The following CCDC148 variants were observed in gnomAD, a reference collection of about 807,000 sequenced individuals.
CCDC148 encodes coiled-coil domain containing 148, also known as coiled-coil domain-containing protein 148.
CCDC148 carries 89 observed loss-of-function variants against 85.7 expected under a neutral mutation model. The observed-to-expected ratio is 1.04, with a 90% CI of 0.87 to 1.24. The LOEUF (loss-of-function observed/expected upper bound fraction) is 1.24. Ranked by LOEUF, CCDC148 falls within the 50% of genes most tolerant of loss-of-function variation. The pLI, the probability that CCDC148 is intolerant of heterozygous loss-of-function variation, is 0.00. For missense variants in CCDC148, 692 were observed against 671.7 expected, an observed-to-expected ratio of 1.03 and a Z score of -0.33; for synonymous variants, 230 against 213.9, an observed-to-expected ratio of 1.08 and a Z score of -0.66.
At chr2:158,412,000 A>G (rs1012014571) in intron 1 of CCDC148, among the ~76,000 whole-genome samples, 18 of 152,098 alleles carry the variant, frequency 1.2e-4, no homozygotes, top group African/African-American at 4.1e-4. Flanking sequence ...TCACAGAGGC[A>G]GTTCTGGCTT....
At chr2:158,398,403 A>C (rs2602179) in intron 1 of CCDC148, among the ~76,000 whole-genome samples, 5,991 of 152,250 alleles carry the variant, frequency 0.039, 194 homozygotes, top group African/African-American at 0.086. Context: ...CAAATGTAAA[A>C]TAACAGAAAT....
intron 11 of CCDC148, among the ~76,000 whole-genome samples, chr2:158,199,410 A>G (rs961912800): frequency 3.9e-5 from 6 of 151,932 alleles, no homozygotes; most frequent in Non-Finnish European, 8.8e-5. Context: ...ACCCCTGGCT[A>G]ATTTTAGTAT....
intron 9 of CCDC148, among the ~76,000 whole-genome samples, chr2:158,282,857 C>A (rs1421662525): frequency 6.6e-6 from 1 of 152,236 alleles, no homozygotes; most frequent in Non-Finnish European, 1.5e-5. Context: ...CTGGAGGCGT[C>A]ACGCTACTTG....
intron 11 of CCDC148, among the ~76,000 whole-genome samples, chr2:158,206,288 T>C (rs1205487037): frequency 6.6e-6 from 1 of 152,098 alleles, no homozygotes; most frequent in East Asian, 1.9e-4. Flanking sequence ...ATTAAACGAA[T>C]GTAGAATGGG....
intron 1 of CCDC148, among the ~76,000 whole-genome samples, chr2:158,444,872 T>C (rs1321598268): frequency 4.0e-5 from 6 of 151,616 alleles, no homozygotes; most frequent in Admixed American, 3.9e-4. Flanking sequence ...GAAATTATGT[T>C]AGTTAATAAA....
intron 13 of CCDC148, 86 bp downstream of exon 13, chr2:158,176,435 A>C: frequency 7.6e-7 from 1 of 1,319,258 alleles, no homozygotes; most frequent in African/African-American, 1.5e-5. Flanking sequence ...TAAATATTGA[A>C]AACTGTTGTA....
intron 9 of CCDC148, among the ~76,000 whole-genome samples, chr2:158,285,442 G>T (rs1263058189): frequency 1.3e-5 from 2 of 150,906 alleles, no homozygotes; most frequent in Non-Finnish European, 3.0e-5. Context: ...CATAGAATCA[G>T]AAAAAGTATT....
intron 1 of CCDC148, among the ~76,000 whole-genome samples, chr2:158,382,242 T>G (rs1684901920): frequency 6.6e-6 from 1 of 152,110 alleles, no homozygotes; most frequent in Non-Finnish European, 1.5e-5. Context: ...AATTACCTAG[T>G]CTACAGTATT....
chr2:158,399,232 C>G (rs143296040), intron 1 of CCDC148, among the ~76,000 whole-genome samples: 11,343 of 152,174 alleles, frequency 0.075, 571 homozygotes, highest in Middle Eastern at 0.11. Context: ...TGAAACTATT[C>G]CAATCGATAG....
chr2:158,373,776 C>T (rs1324876609), intron 1 of CCDC148, among the ~76,000 whole-genome samples: 6 of 151,968 alleles, frequency 3.9e-5, no homozygotes, highest in Non-Finnish European at 7.4e-5. Flanking sequence ...ATTCTTCACC[C>T]TCTCATTCTA....
intron 10 of CCDC148, among the ~76,000 whole-genome samples, chr2:158,240,228 T>C (rs1333989883): frequency 6.6e-6 from 1 of 151,920 alleles, no homozygotes; most frequent in Non-Finnish European, 1.5e-5. Context: ...AGAGTTCTTA[T>C]ACTCCATATT....
intron 1 of CCDC148, among the ~76,000 whole-genome samples, chr2:158,414,593 T>G (rs935220360): frequency 1.3e-5 from 2 of 150,916 alleles, no homozygotes; most frequent in East Asian, 1.9e-4. Context: ...AAAAAAAGAA[T>G]AATGTGTGCT....
At chr2:158,243,462 G>A (rs545644859) in intron 10 of CCDC148, among the ~76,000 whole-genome samples, 35 of 152,198 alleles carry the variant, frequency 2.3e-4, no homozygotes, top group Middle Eastern at 6.8e-3. Flanking sequence ...GACCTCTGTG[G>A]ATTTTTTGGG....
intron 9 of CCDC148, among the ~76,000 whole-genome samples, chr2:158,284,043 G>A (rs1036069009): frequency 2.0e-4 from 29 of 147,480 alleles, no homozygotes; most frequent in African/African-American, 6.0e-4. Context: ...ACCAAACACC[G>A]CATATTCTCA....
intron 11 of CCDC148, among the ~76,000 whole-genome samples, chr2:158,185,528 G>T (rs544718444): frequency 1.3e-5 from 2 of 152,080 alleles, no homozygotes; most frequent in Non-Finnish European, 2.9e-5. Flanking sequence ...TTTTCCTGTT[G>T]ATTTTAATCA....
chr2:158,334,572 C>A (rs1157014691), intron 7 of CCDC148, among the ~76,000 whole-genome samples: 1 of 79,092 alleles, frequency 1.3e-5, no homozygotes, highest in East Asian at 3.7e-4. Context: ...TTCTTCATAT[C>A]TTAACGCACC....
chr2:158,392,722 C>A (rs900635827), intron 1 of CCDC148, among the ~76,000 whole-genome samples: 5 of 152,104 alleles, frequency 3.3e-5, no homozygotes, highest in African/African-American at 1.2e-4. Flanking sequence ...GCAAAATAAA[C>A]CCTTAAGATA....
chr2:158,258,962 T>C (rs937450907), intron 9 of CCDC148, among the ~76,000 whole-genome samples: 1 of 151,822 alleles, frequency 6.6e-6, no homozygotes, highest in Non-Finnish European at 1.5e-5. Flanking sequence ...CCAGCCTGTG[T>C]CTGCAACCCC....
rs561422515 is a variant in CCDC148 at position 158,250,873 on chromosome 2, G to A, written c.1150C>T (p.Leu384=). The change falls in exon 10 of 14, where the codon CTG becomes TTG. Residue 384 remains leucine, a synonymous_variant. Transcript: ENST00000283233. ...CTTCTGGCAGAAATTTCCATTTCCA[G>A]TCTTGCTACCTCTTCTTGGTGGGCT... ...WRAHQEEVAR[L]EMEISARRRE... is the part of the protein sequence containing the mutation. The A allele has an allele frequency of 1.6e-4, 259 of 1,603,370 alleles. 2 individuals carry two copies. The South Asian group carries it at 2.7e-3, about 17-fold the overall frequency.
Sources: gnomAD v4.1 joint callset for allele counts (sites outside exome capture counted in the v4.1 genomes callset) on GRCh38, gnomAD v4.1.1 for gene constraint, MANE v1.5 for transcripts, NCBI Gene and HGNC (gene_info 2026-07-23, HGNC 2026-07-21) for gene names.